MDGA2: variants seen among roughly 807,000 people sequenced by gnomAD.
The protein encoded by MDGA2 is MAM domain containing glycosylphosphatidylinositol anchor 2.
In MDGA2, 40 loss-of-function variants were observed where a neutral mutation model predicts 117.8. The ratio of observed to expected loss-of-function variants is 0.34; its 90% confidence interval spans 0.26 to 0.44. MDGA2 has a LOEUF of 0.44. Ranked by LOEUF, MDGA2 falls within the 20% of genes least tolerant of loss-of-function variation. MDGA2 has a pLI of 1.00. For synonymous variants in MDGA2, 452 were observed against 439.0 expected, an observed-to-expected ratio of 1.03 and a Z score of -0.37; for missense variants, 1,123 against 1,250.6, an observed-to-expected ratio of 0.90 and a Z score of 1.54.
intron 1 of MDGA2, among the ~76,000 whole-genome samples, chr14:47,407,830 G>A (rs945220460): frequency 3.3e-5 from 5 of 152,012 alleles, no homozygotes; most frequent in South Asian, 2.1e-4. Flanking sequence ...TTCAGACACC[G>A]AATACATTAG....
intron 1 of MDGA2, among the ~76,000 whole-genome samples, chr14:47,391,404 G>A (rs1196281928): frequency 6.6e-6 from 1 of 152,200 alleles, no homozygotes; most frequent in African/African-American, 2.4e-5. Flanking sequence ...GTGTGAAACT[G>A]CCTCTAAGAA....
At chr14:47,322,839 T>C (rs1435210596) in intron 1 of MDGA2, among the ~76,000 whole-genome samples, 1 of 152,090 alleles carries the variant, frequency 6.6e-6, no homozygotes, top group African/African-American at 2.4e-5. Context: ...GCAGGAAATA[T>C]TTTATCAGCA....
At chr14:47,387,154 A>C (rs943792912) in intron 1 of MDGA2, among the ~76,000 whole-genome samples, 5 of 152,266 alleles carry the variant, frequency 3.3e-5, no homozygotes, top group African/African-American at 1.2e-4. Context: ...GTTGCTGTAC[A>C]ATCTCAGGAA....
At position 47,150,369 on chromosome 14, in the gene MDGA2, T is replaced by A. The variant is rs531758618; in HGVS notation, c.596-6095A>T. On this transcript the variant is annotated intron_variant, in intron 3 of 16. Transcript: ENST00000399232. ...GACCTTTGACTGCAGAAGATAAGAA[T>A]CTCTTTGTATTTTGCCAAAGAGGTC... Among the ~76,000 whole-genome samples the A allele has an allele frequency of 2.6e-5, 4 of 152,322 alleles. No individual in the cohort carries two copies. The South Asian group carries it at 8.3e-4, about 32-fold the overall frequency.
chr14:47,219,837 T>C (rs888843685), intron 2 of MDGA2, among the ~76,000 whole-genome samples: 11 of 152,142 alleles, frequency 7.2e-5, no homozygotes, highest in African/African-American at 2.4e-4. Flanking sequence ...TGTATTCATG[T>C]GTGTACATAT....
At position 47,616,835 on chromosome 14, in the gene MDGA2, C is replaced by G. The variant is rs1426559522; in HGVS notation, c.280+57682G>C. Among the ~76,000 whole-genome samples, 3 of 152,000 alleles carry G rather than the reference C, an allele frequency of 2.0e-5. No individual in the cohort carries two copies. The East Asian group carries it at 5.8e-4, about 29-fold the overall frequency. On this transcript the variant is annotated intron_variant, in intron 1 of 16. Coordinates refer to ENST00000399232, the MANE Select transcript of MDGA2 (RefSeq NM_001113498.3). ...ATGACATGAATCAGTTAAAACTGAG[C>G]TATATACTAGGTAGTCACTAATCAT...
At chr14:47,198,489 G>A (rs981004596) in intron 3 of MDGA2, among the ~76,000 whole-genome samples, 7 of 152,056 alleles carry the variant, frequency 4.6e-5, no homozygotes, top group South Asian at 2.1e-4. Flanking sequence ...GGAGAATGGC[G>A]TGAACCCGGG....
At chr14:46,846,755 T>G (rs1298974217) in intron 15 of MDGA2, among the ~76,000 whole-genome samples, 2 of 152,168 alleles carry the variant, frequency 1.3e-5, no homozygotes, top group East Asian at 3.8e-4. Flanking sequence ...AGGCAATTCA[T>G]GCATTTAGTG....
chr14:47,190,423 G>T (rs542341448), intron 3 of MDGA2, among the ~76,000 whole-genome samples: 1 of 152,166 alleles, frequency 6.6e-6, no homozygotes, highest in South Asian at 2.1e-4. Flanking sequence ...GACCTTCAAG[G>T]TATGTGTCCT....
rs561482629 is a variant in MDGA2, at chr14:47,239,951, C to T, written c.421-21756G>A. ...GTCCTTGAAACATATTGTGCACATT[C>T]AGTGTTATAACCTTGTCACTCAAAG... On this transcript the variant is annotated intron_variant, in intron 2 of 16. Coordinates refer to ENST00000399232, the MANE Select transcript of MDGA2 (RefSeq NM_001113498.3). Among the ~76,000 whole-genome samples, 32 of 151,734 alleles carry T rather than the reference C, an allele frequency of 2.1e-4. 1 individual carries two copies. In the South Asian group the frequency reaches 6.5e-3, roughly 31 times the overall value.
At chr14:47,404,087 AT>A (rs1161817534) in intron 1 of MDGA2, among the ~76,000 whole-genome samples, 2 of 152,130 alleles carry the variant, frequency 1.3e-5, no homozygotes, top group Admixed American at 1.3e-4. Context: ...TATTAAATAA[AT>A]TTGTATGTTT....
At chr14:47,173,794 T>A (rs1884299289) in intron 3 of MDGA2, among the ~76,000 whole-genome samples, 1 of 151,796 alleles carries the variant, frequency 6.6e-6, no homozygotes, top group Non-Finnish European at 1.5e-5. Context: ...AATTCACACA[T>A]AACAATATTA....
intron 8 of MDGA2, among the ~76,000 whole-genome samples, chr14:47,026,238 T>C (rs1888469026): frequency 6.6e-6 from 1 of 152,172 alleles, no homozygotes; most frequent in Non-Finnish European, 1.5e-5. Flanking sequence ...CTAGTAAATG[T>C]GTATCTCTTG....
intron 1 of MDGA2, among the ~76,000 whole-genome samples, chr14:47,344,079 GT>G (rs1890710426): frequency 6.6e-6 from 1 of 152,088 alleles, no homozygotes; most frequent in African/African-American, 2.4e-5. Context: ...CAACTACTCA[GT>G]TGTTTCCCTC....
intron 1 of MDGA2, among the ~76,000 whole-genome samples, chr14:47,451,854 G>A (rs1893247876): frequency 6.6e-6 from 1 of 152,006 alleles, no homozygotes; most frequent in African/African-American, 2.4e-5. Context: ...ATATATACAG[G>A]CAAAGAAGAG....
intron 1 of MDGA2, among the ~76,000 whole-genome samples, chr14:47,640,093 AC>A (rs1897396069): frequency 6.6e-6 from 1 of 152,126 alleles, no homozygotes; most frequent in African/African-American, 2.4e-5. Context: ...TGCTCTCTTG[AC>A]TGGGAGCGTC....
intron 3 of MDGA2, among the ~76,000 whole-genome samples, chr14:47,162,263 A>T (rs1341582985): frequency 6.6e-6 from 1 of 151,870 alleles, no homozygotes; most frequent in Non-Finnish European, 1.5e-5. Flanking sequence ...TTCTTGACCC[A>T]TTTGAGGTCA....
At chr14:47,010,803 T>C (rs909117753) in intron 8 of MDGA2, among the ~76,000 whole-genome samples, 1 of 152,074 alleles carries the variant, frequency 6.6e-6, no homozygotes, top group Non-Finnish European at 1.5e-5. Flanking sequence ...TGTCTTCATC[T>C]AACTCATTCA....
chr14:47,104,016 C>T (rs1440966333), intron 5 of MDGA2, among the ~76,000 whole-genome samples: 1 of 152,164 alleles, frequency 6.6e-6, no homozygotes, highest in Non-Finnish European at 1.5e-5. Flanking sequence ...CATGACTCTC[C>T]TTGTCTTAAC....
Sources: gnomAD v4.1 joint callset for allele counts (sites outside exome capture counted in the v4.1 genomes callset) on GRCh38, gnomAD v4.1.1 for gene constraint, MANE v1.5 for transcripts, NCBI Gene and HGNC (gene_info 2026-07-23, HGNC 2026-07-21) for gene names.